The following DNM3 variants were observed in gnomAD, a reference collection of about 807,000 sequenced individuals.
DNM3 encodes the protein dynamin 3.
A neutral mutation model predicts 101.6 loss-of-function variants in DNM3; 47 were observed. That is an observed-to-expected ratio of 0.46 (90% CI 0.37 to 0.59). The LOEUF (loss-of-function observed/expected upper bound fraction) is 0.59, where lower values mean the gene tolerates loss of function less well. Among genes scored for constraint, DNM3 ranks in the 20% least tolerant of loss-of-function variants. DNM3 has a pLI of 0.00. For missense variants in DNM3, 849 were observed against 1,085.7 expected (o/e 0.78, Z 3.06); for synonymous variants, 385 against 387.9 (o/e 0.99, Z 0.09).
rs189697615 is a variant in DNM3, at chr1:172,081,556, T to C, written c.1423-276T>C. 3.3e-3 allele frequency among the ~76,000 whole-genome samples: 495 copies of C among 152,298 alleles called. 2 individuals carry two copies. The highest frequency in any genetic ancestry group is 7.7e-3 in the South Asian group (37 of 4,830). On this transcript the variant is annotated intron_variant, in intron 11 of 20. Coordinates refer to ENST00000627582, the MANE Select transcript of DNM3 (RefSeq NM_015569.5). ...TTTAGAGAAATCAAATAATTCTAGATTCTGTATTAAGGTAGCAAATAGTGT... is the reference window on the plus strand; with the variant it reads ...TTTAGAGAAATCAAATAATTCTAGACTCTGTATTAAGGTAGCAAATAGTGT...
At chr1:172,236,200 G>A (rs921558937) in intron 14 of DNM3, among the ~76,000 whole-genome samples, 4 of 152,068 alleles carry the variant, frequency 2.6e-5, no homozygotes, top group African/African-American at 9.7e-5. Flanking sequence ...CTACTCTTTG[G>A]TTTTCCTGCT....
intron 2 of DNM3, among the ~76,000 whole-genome samples, chr1:171,980,151 C>CTT (rs35057661): frequency 0.087 from 11,972 of 138,224 alleles, 1,141 homozygotes; most frequent in African/African-American, 0.25. Flanking sequence ...TTTAGATTTC[C>CTT]TTTTTTTTTT....
intron 2 of DNM3, among the ~76,000 whole-genome samples, chr1:171,943,132 A>G (rs149882544): frequency 0.021 from 3,249 of 152,172 alleles, 114 homozygotes; most frequent in African/African-American, 0.073. Flanking sequence ...AAAATAAAAA[A>G]TAAAAAAAGA....
intron 14 of DNM3, among the ~76,000 whole-genome samples, chr1:172,154,785 T>C (rs1312321928): frequency 2.0e-5 from 3 of 152,056 alleles, no homozygotes; most frequent in Admixed American, 6.6e-5. Flanking sequence ...AATACAACTA[T>C]GACATGTGCT....
intron 2 of DNM3, among the ~76,000 whole-genome samples, chr1:171,965,497 T>G (rs970102562): frequency 6.6e-6 from 1 of 150,476 alleles, no homozygotes; most frequent in African/African-American, 2.4e-5. Context: ...GAGGCTATAG[T>G]GAGCCATGAT....
At chr1:171,843,789 G>T (rs562017693) in intron 1 of DNM3, among the ~76,000 whole-genome samples, 18 of 152,150 alleles carry the variant, frequency 1.2e-4, no homozygotes, top group African/African-American at 4.3e-4. Context: ...TTTGAAAAAA[G>T]AAATGTAGAA....
intron 14 of DNM3, chr1:172,131,917 C>A: frequency 5.2e-6 from 1 of 192,752 alleles, no homozygotes; most frequent in South Asian, 7.5e-5. Flanking sequence ...AATTTGATAG[C>A]TATAAAAGTG....
At chr1:172,324,038 T>C (rs1243278383) in intron 17 of DNM3, among the ~76,000 whole-genome samples, 1 of 152,204 alleles carries the variant, frequency 6.6e-6, no homozygotes, top group East Asian at 1.9e-4. Context: ...AATTTAATAG[T>C]TCATGGGGTT....
At chr1:171,992,116 A>G (rs904434367) in intron 4 of DNM3, among the ~76,000 whole-genome samples, 1 of 152,204 alleles carries the variant, frequency 6.6e-6, no homozygotes, top group Non-Finnish European at 1.5e-5. Flanking sequence ...TAATAAATGT[A>G]AACTAAAAAA....
intron 1 of DNM3, among the ~76,000 whole-genome samples, chr1:171,842,395 G>A (rs1340786425): frequency 2.0e-5 from 3 of 152,158 alleles, no homozygotes; most frequent in African/African-American, 7.2e-5. Context: ...GGTGCGAGGA[G>A]AAAGACGTCG....
At chr1:172,332,476 A>ATGTT (rs1273434525) in intron 17 of DNM3, among the ~76,000 whole-genome samples, 2 of 152,068 alleles carry the variant, frequency 1.3e-5, no homozygotes, top group African/African-American at 2.4e-5. Context: ...CATCCGGCTA[A>ATGTT]TGTTTTGTAT....
intron 16 of DNM3, among the ~76,000 whole-genome samples, chr1:172,318,515 AG>A (rs1390756860): frequency 1.3e-5 from 2 of 152,222 alleles, no homozygotes; most frequent in African/African-American, 4.8e-5. Flanking sequence ...AATCTCCTTA[AG>A]CTGATAAGCA....
At chr1:171,877,421 G>A (rs994049269) in intron 1 of DNM3, among the ~76,000 whole-genome samples, 2 of 152,134 alleles carry the variant, frequency 1.3e-5, no homozygotes, top group East Asian at 3.8e-4. Flanking sequence ...CTTATCTAAG[G>A]TGAATACTTC....
chr1:172,084,646 A>C (rs758324518), intron 12 of DNM3, among the ~76,000 whole-genome samples: 11 of 152,206 alleles, frequency 7.2e-5, no homozygotes, highest in Non-Finnish European at 1.5e-4. Context: ...TAAATTTTAA[A>C]GTTGGCAAGA....
chr1:172,332,498 T>C (rs1378519042), intron 17 of DNM3, among the ~76,000 whole-genome samples: 3 of 152,078 alleles, frequency 2.0e-5, no homozygotes, highest in Admixed American at 2.0e-4. Context: ...TTAGTACAGA[T>C]GGGGTTTCAC....
chr1:172,205,679 T>G (rs2060298495), intron 14 of DNM3, among the ~76,000 whole-genome samples: 1 of 152,142 alleles, frequency 6.6e-6, no homozygotes, highest in African/African-American at 2.4e-5. Context: ...GCTTCTGTGT[T>G]CACTCTATTG....
At chr1:171,841,995 C>T (rs1021085504) in intron 1 of DNM3, among the ~76,000 whole-genome samples, 178 bp downstream of exon 1, 1 of 152,076 alleles carries the variant, frequency 6.6e-6, no homozygotes, top group Non-Finnish European at 1.5e-5. Context: ...CGGGGTCCTC[C>T]AGCTCTGGGC....
chr1:172,338,011 G>T (rs766645210), intron 17 of DNM3, among the ~76,000 whole-genome samples: 1 of 151,628 alleles, frequency 6.6e-6, no homozygotes, highest in Non-Finnish European at 1.5e-5. Flanking sequence ...CCACCTCCCA[G>T]GTTCAAGCGA....
intron 14 of DNM3, among the ~76,000 whole-genome samples, chr1:172,247,714 C>T (rs557178182): frequency 1.4e-5 from 2 of 144,834 alleles, no homozygotes; most frequent in African/African-American, 2.5e-5. Context: ...GAGACAGTTT[C>T]GCTCTTGTCA....
Sources: gnomAD v4.1 joint callset for allele counts (sites outside exome capture counted in the v4.1 genomes callset) on GRCh38, gnomAD v4.1.1 for gene constraint, MANE v1.5 for transcripts, NCBI Gene and HGNC (gene_info 2026-07-23, HGNC 2026-07-21) for gene names.